Variants in SAP130 observed in about 807,000 individuals in gnomAD.
SAP130 encodes the protein histone deacetylase complex subunit SAP130.
In SAP130, 16 loss-of-function variants were observed where a neutral mutation model predicts 103.2. The observed-to-expected ratio is 0.16, with a 90% CI of 0.10 to 0.24. The LOEUF (loss-of-function observed/expected upper bound fraction) is 0.24. Ranked by LOEUF, SAP130 falls within the 10% of genes least tolerant of loss-of-function variation. SAP130 has a pLI of 1.00. For missense variants in SAP130, 990 were observed against 1,359.7 expected, an observed-to-expected ratio of 0.73 and a Z score of 4.28; for synonymous variants, 477 against 497.0, an observed-to-expected ratio of 0.96 and a Z score of 0.53.
intron 14 of SAP130, among the ~76,000 whole-genome samples, chr2:127,980,236 A>G (rs1471994994): frequency 6.6e-6 from 1 of 152,156 alleles, no homozygotes; most frequent in Non-Finnish European, 1.5e-5. Flanking sequence ...AAAGTTAAAA[A>G]AGCAAGACCA....
chr2:127,952,853 A>C (rs1263978613), intron 16 of SAP130, among the ~76,000 whole-genome samples: 2 of 152,052 alleles, frequency 1.3e-5, no homozygotes, highest in Non-Finnish European at 2.9e-5. Flanking sequence ...CCCCCATCTC[A>C]TGATAGCACA....
chr2:127,978,550 C>T (rs1297372959), intron 14 of SAP130, among the ~76,000 whole-genome samples: 2 of 152,180 alleles, frequency 1.3e-5, no homozygotes, highest in Admixed American at 6.5e-5. Flanking sequence ...AGAGAGGCCA[C>T]GTAAGGCTCT....
chr2:128,021,517 T>C (rs567138023), intron 2 of SAP130, among the ~76,000 whole-genome samples: 39 of 152,224 alleles, frequency 2.6e-4, no homozygotes, highest in African/African-American at 8.7e-4. Context: ...TCACTATATA[T>C]TGACTTTTCT....
intron 14 of SAP130, among the ~76,000 whole-genome samples, chr2:127,979,047 G>C (rs573166140): frequency 2.5e-4 from 38 of 152,314 alleles, no homozygotes; most frequent in African/African-American, 8.4e-4. Flanking sequence ...AGGATCTCAA[G>C]ATAAGAGATT....
intron 7 of SAP130, among the ~76,000 whole-genome samples, chr2:128,006,145 C>T (rs537533721): frequency 8.7e-5 from 13 of 149,836 alleles, no homozygotes; most frequent in African/African-American, 3.2e-4. Context: ...GAAAAATTAC[C>T]CATCAAGTAA....
chr2:128,001,332 A>G (rs1683545094), intron 7 of SAP130, among the ~76,000 whole-genome samples: 1 of 151,944 alleles, frequency 6.6e-6, no homozygotes. Context: ...GGCTAAAGTG[A>G]GCTCTCCAGC....
chr2:128,020,344 A>G (rs902411434), intron 2 of SAP130, among the ~76,000 whole-genome samples: 4 of 152,164 alleles, frequency 2.6e-5, no homozygotes, highest in African/African-American at 9.7e-5. Context: ...AAGGAAATCA[A>G]TCTTCTACCT....
chr2:127,973,014 A>T (rs1460659408), intron 15 of SAP130, among the ~76,000 whole-genome samples: 1 of 152,158 alleles, frequency 6.6e-6, no homozygotes, highest in Non-Finnish European at 1.5e-5. Context: ...CACACCTCAG[A>T]ACATCACACA....
intron 11 of SAP130, among the ~76,000 whole-genome samples, chr2:127,994,496 G>A (rs979184937): frequency 3.3e-5 from 5 of 152,218 alleles, no homozygotes; most frequent in Admixed American, 2.0e-4. Context: ...GGAGGCTGAG[G>A]TATGAGAATC....
chr2:127,949,929 G>A lies in SAP130; in HGVS notation c.2737C>T (p.Arg913Trp). ...TGGTAAGCAGCTTTCCAGGGGTTCC[G>A]ATAGTGACGAAGCAAAGTAATGGGG... is the stretch of plus-strand genomic sequence containing the variant. ...RPPITLLRHY[R>W]NPWKAAYHHF... Residue 913 changes from arginine to tryptophan, a missense_variant, in exon 18 of 21, where the codon CGG (arginine) becomes TGG (tryptophan). By Grantham distance (101) the Arg-to-Trp change is moderately radical. Transcript: ENST00000643581. 1 of 1,614,134 alleles carries A rather than the reference G, an allele frequency of 6.2e-7. No homozygotes were observed. The highest frequency in any genetic ancestry group is 8.5e-7 in the Non-Finnish European group (1 of 1,179,990).
chr2:127,981,746 G>C (rs58856994), intron 14 of SAP130, among the ~76,000 whole-genome samples: 5 of 40,920 alleles, frequency 1.2e-4, no homozygotes, highest in East Asian at 8.2e-4. Context: ...TCACCCCGAC[G>C]CAGTCCTCCT....
intron 14 of SAP130, among the ~76,000 whole-genome samples, chr2:127,982,364 A>G (rs1682011972): frequency 6.6e-6 from 1 of 152,216 alleles, no homozygotes; most frequent in African/African-American, 2.4e-5. Context: ...AGGAGGAGAC[A>G]GGGCATGTTG....
chr2:128,000,287 T>A lies in SAP130; in HGVS notation c.1017+20A>T, dbSNP rs1193652037. ...TTTACCCAACAAAGTACACAGGTGG[T>A]TCTCCACTTTTGGTTTTACCTGAGC... is the stretch of plus-strand genomic sequence containing the variant. On this transcript the variant is annotated intron_variant, in intron 8 of 20. Transcript: ENST00000643581. 6.2e-7 allele frequency: 1 copy of A among 1,614,022 alleles called. No homozygotes were observed. Among genetic ancestry groups the A allele is most frequent in the East Asian group, 2.2e-5 (1 of 44,898 alleles).
In SAP130 at chr2:127,955,224, C is replaced by G. The variant is rs1679754341; in HGVS notation, c.2184G>C (p.Gln728His). ...TCATAGTTGGAATGGTCGGTGGGGGCTGCTGGGCAGTTGGAGGGACGGCAA... is the reference window on the plus strand; with the variant it reads ...TCATAGTTGGAATGGTCGGTGGGGGGTGCTGGGCAGTTGGAGGGACGGCAA... ...PTIAVPPTAQ[Q>H]PPPTIPTMIA... is the part of the protein sequence containing the mutation. The change falls in exon 16 of 21, where the codon CAG (glutamine) becomes CAC (histidine). Residue 728 changes from glutamine to histidine, a missense_variant. Physicochemically the swap from Gln to His is conservative, Grantham distance 24. Transcript: ENST00000643581. This position sits in a 1 kb window ranked among gnomAD's most constrained non-coding sequence, Gnocchi z 4.9. 6.2e-7 allele frequency: 1 copy of G among 1,613,902 alleles called. No homozygotes were observed. The highest frequency in any genetic ancestry group is 8.5e-7 in the Non-Finnish European group (1 of 1,179,990).
chr2:128,013,293 A>G lies in SAP130; in HGVS notation c.620-139T>C, dbSNP rs1015808803. The G allele has an allele frequency of 1.6e-5, 11 of 701,612 alleles. No homozygotes were observed. In the African/African-American group the frequency reaches 1.7e-4, roughly 11 times the overall value. 43.5% of individuals were successfully genotyped at this position (701,612 alleles called of 1,614,324 possible). ...GTATACTTCCCATTTCATCACAGAGAAAACAAAGAAAATGTGTATTCAAGA... is the reference window on the plus strand; with the variant it reads ...GTATACTTCCCATTTCATCACAGAGGAAACAAAGAAAATGTGTATTCAAGA... On this transcript the variant is annotated intron_variant, in intron 5 of 20. Transcript: ENST00000643581.
chr2:128,007,705 C>T (rs1684071609), intron 7 of SAP130, among the ~76,000 whole-genome samples: 1 of 152,158 alleles, frequency 6.6e-6, no homozygotes, highest in African/African-American at 2.4e-5. Context: ...AAGTAGATAA[C>T]AGAGCTAATG....
intron 15 of SAP130, among the ~76,000 whole-genome samples, chr2:127,968,018 T>A (rs1680782961): frequency 6.6e-6 from 1 of 152,186 alleles, no homozygotes; most frequent in South Asian, 2.1e-4. Flanking sequence ...CAGGTGAGAC[T>A]TCTTCCCTGA....
At chr2:127,985,900 G>A (rs1023986668) in intron 14 of SAP130, among the ~76,000 whole-genome samples, 3 of 151,890 alleles carry the variant, frequency 2.0e-5, no homozygotes, top group Non-Finnish European at 2.9e-5. Context: ...GGACAGCAAG[G>A]GGAGCATGCC....
At chr2:128,005,785 T>C (rs565295805) in intron 7 of SAP130, among the ~76,000 whole-genome samples, 1 of 152,042 alleles carries the variant, frequency 6.6e-6, no homozygotes, top group East Asian at 2.0e-4. Context: ...TAGCTGGGAT[T>C]ACAGGCATCC....
Sources: allele counts gnomAD v4.1 joint callset (sites outside exome capture counted in the v4.1 genomes callset), GRCh38; gene constraint gnomAD v4.1.1; non-coding constraint Gnocchi (gnomAD v3.1); transcripts MANE v1.5; gene names NCBI Gene and HGNC (gene_info 2026-07-23, HGNC 2026-07-21).